The following LRRC4C variants were observed in gnomAD, a reference collection of about 807,000 sequenced individuals.
The protein encoded by LRRC4C is leucine rich repeat containing 4C.
A neutral mutation model predicts 33.6 loss-of-function variants in LRRC4C; 5 were observed. That is an observed-to-expected ratio of 0.15 (90% CI 0.08 to 0.31). LRRC4C has a LOEUF of 0.31. LRRC4C is among the 10% of genes least tolerant of loss of function. The pLI is 1.00. For missense variants in LRRC4C, 560 were observed against 796.7 expected, an observed-to-expected ratio of 0.70 and a Z score of 3.58; for synonymous variants, 329 against 302.0, an observed-to-expected ratio of 1.09 and a Z score of -0.93.
chr11:40,775,814 T>G (rs1949968925), intron 2 of LRRC4C, among the ~76,000 whole-genome samples: 2 of 152,216 alleles, frequency 1.3e-5, no homozygotes, highest in African/African-American at 2.4e-5. Flanking sequence ...AGCACCCTGT[T>G]GAACAGGAAT....
chr11:40,367,577 T>C (rs914805540), intron 3 of LRRC4C, among the ~76,000 whole-genome samples: 1 of 152,088 alleles, frequency 6.6e-6, no homozygotes, highest in Non-Finnish European at 1.5e-5. Flanking sequence ...AGGGGAATCA[T>C]GAAAAGGGAA....
chr11:40,595,215 A>G (rs1235195342), intron 3 of LRRC4C, among the ~76,000 whole-genome samples: 2 of 151,718 alleles, frequency 1.3e-5, no homozygotes, highest in Non-Finnish European at 2.9e-5. Context: ...AATTTTACAA[A>G]TTCAAAACCA....
chr11:40,249,750 ACT>A (rs975430761), intron 4 of LRRC4C, among the ~76,000 whole-genome samples: 7 of 151,674 alleles, frequency 4.6e-5, no homozygotes, highest in Non-Finnish European at 7.4e-5. Context: ...AAAGGCCAGG[ACT>A]CTCTCGCTTT....
intron 3 of LRRC4C, among the ~76,000 whole-genome samples, chr11:40,423,807 G>C (rs2137772672): frequency 6.6e-6 from 1 of 152,200 alleles, no homozygotes; most frequent in Admixed American, 6.5e-5. Context: ...CAAGAGTTAA[G>C]CAAAAATTAG....
At chr11:41,018,090 T>G (rs1378155650) in intron 1 of LRRC4C, among the ~76,000 whole-genome samples, 1 of 152,078 alleles carries the variant, frequency 6.6e-6, no homozygotes, top group Non-Finnish European at 1.5e-5. Flanking sequence ...TAAAATAAAT[T>G]GAAAATATGC....
intron 1 of LRRC4C, among the ~76,000 whole-genome samples, chr11:41,097,243 A>G (rs1940866524): frequency 6.6e-6 from 1 of 152,178 alleles, no homozygotes; most frequent in East Asian, 1.9e-4. Flanking sequence ...GAATCCTGAA[A>G]AACAGTGGAA....
At chr11:41,228,725 T>G (rs1771011063) in intron 1 of LRRC4C, among the ~76,000 whole-genome samples, 1 of 152,314 alleles carries the variant, frequency 6.6e-6, no homozygotes, top group Non-Finnish European at 1.5e-5. Context: ...TTTCTCTTAT[T>G]TTCTGTAGTA....
intron 1 of LRRC4C, among the ~76,000 whole-genome samples, chr11:41,139,326 A>T (rs541150351): frequency 2.4e-4 from 37 of 152,284 alleles, no homozygotes; most frequent in African/African-American, 8.2e-4. Context: ...TCTTCATATG[A>T]TATACTTGCT....
chr11:40,343,883 C>A (rs1946996911), intron 3 of LRRC4C, among the ~76,000 whole-genome samples: 1 of 151,942 alleles, frequency 6.6e-6, no homozygotes, highest in Admixed American at 6.6e-5. Context: ...TCCATGCACA[C>A]AAGCTAGAAA....
chr11:40,579,840 G>A (rs1254262611), intron 3 of LRRC4C, among the ~76,000 whole-genome samples: 1 of 152,078 alleles, frequency 6.6e-6, no homozygotes, highest in Non-Finnish European at 1.5e-5. Flanking sequence ...ACCCAGGCTG[G>A]AGTGCAGTGG....
At chr11:40,992,578 A>G (rs1284075883) in intron 1 of LRRC4C, among the ~76,000 whole-genome samples, 1 of 152,126 alleles carries the variant, frequency 6.6e-6, no homozygotes, top group Admixed American at 6.5e-5. Context: ...AGTGATGAAG[A>G]ATTCACTACC....
chr11:40,953,098 T>G (rs1394594493), intron 1 of LRRC4C, among the ~76,000 whole-genome samples: 1 of 151,936 alleles, frequency 6.6e-6, no homozygotes, highest in Non-Finnish European at 1.5e-5. Flanking sequence ...AAAATGTTTC[T>G]TCCTTAACGT....
At chr11:40,707,160 G>T (rs1417525343) in intron 2 of LRRC4C, among the ~76,000 whole-genome samples, 2 of 152,206 alleles carry the variant, frequency 1.3e-5, no homozygotes, top group Admixed American at 6.5e-5. Flanking sequence ...CTGCAAACAG[G>T]GACAATTTGA....
chr11:41,189,740 A>G (rs142331653), intron 1 of LRRC4C, among the ~76,000 whole-genome samples: 9 of 152,310 alleles, frequency 5.9e-5, no homozygotes, highest in African/African-American at 2.2e-4. Context: ...GGGATGAAAG[A>G]AGTAGGTCGT....
chr11:40,870,030 C>G (rs1190247197), intron 2 of LRRC4C, among the ~76,000 whole-genome samples: 1 of 152,074 alleles, frequency 6.6e-6, no homozygotes, highest in Non-Finnish European at 1.5e-5. Context: ...GACTCAGATA[C>G]TTTCCACTGC....
chr11:40,873,377 A>T (rs1470143637), intron 2 of LRRC4C, among the ~76,000 whole-genome samples: 1 of 152,142 alleles, frequency 6.6e-6, no homozygotes, highest in African/African-American at 2.4e-5. Context: ...AGAAACTGCC[A>T]CACCACCAGA....
Position 40,903,278 on chromosome 11 carries a change from A to T in LRRC4C, c.-407+30357T>A, listed in dbSNP as rs545474537. 2.0e-5 allele frequency among the ~76,000 whole-genome samples: 3 copies of T among 152,332 alleles called. No homozygotes were observed. In the East Asian group the frequency reaches 5.8e-4, roughly 29 times the overall value. On this transcript the variant is annotated intron_variant, in intron 2 of 6. Coordinates refer to ENST00000528697, the MANE Select transcript of LRRC4C (RefSeq NM_001258419.2). ...ACATCTGTTTACAGCACAGTTTTTA[A>T]GCCCAATGTTGAGACCTACTGCTAA...
chr11:41,060,981 C>G (rs539542649), intron 1 of LRRC4C, among the ~76,000 whole-genome samples: 11 of 152,126 alleles, frequency 7.2e-5, no homozygotes, highest in African/African-American at 2.7e-4. Context: ...TGTTCCCCGC[C>G]CCTTCCCCTC....
chr11:40,389,865 A>G (rs1949269975), intron 3 of LRRC4C, among the ~76,000 whole-genome samples: 1 of 152,220 alleles, frequency 6.6e-6, no homozygotes, highest in Admixed American at 6.5e-5. Flanking sequence ...GTAAATGATC[A>G]GAAAGGATTT....
Sources: gnomAD v4.1 joint callset for allele counts (sites outside exome capture counted in the v4.1 genomes callset) on GRCh38, gnomAD v4.1.1 for gene constraint, MANE v1.5 for transcripts, NCBI Gene and HGNC (gene_info 2026-07-23, HGNC 2026-07-21) for gene names.